The following CES1 variants were observed in gnomAD, a reference collection of about 807,000 sequenced individuals.
CES1 encodes the protein carboxylesterase 1, also known as liver carboxylesterase 1.
CES1 carries 50 observed loss-of-function variants against 53.0 expected under a neutral mutation model. That is an observed-to-expected ratio of 0.94 (90% CI 0.75 to 1.19). The LOEUF (loss-of-function observed/expected upper bound fraction) is 1.19. Among genes scored for constraint, CES1 ranks in the 50% most tolerant of loss-of-function variants. The pLI is 0.00. For missense variants in CES1, 534 were observed against 538.0 expected (o/e 0.99, Z 0.07); for synonymous variants, 202 against 210.1 (o/e 0.96, Z 0.33).
chr16:55,825,110 A>C (rs1391195252), intron 3 of CES1, among the ~76,000 whole-genome samples: 4 of 152,230 alleles, frequency 2.6e-5, no homozygotes, highest in Admixed American at 2.0e-4. Flanking sequence ...GAGTGGATTC[A>C]TGTTCCTCCT....
intron 8 of CES1, among the ~76,000 whole-genome samples, chr16:55,814,489 G>T (rs1288163915): frequency 6.6e-6 from 1 of 152,210 alleles, no homozygotes; most frequent in Non-Finnish European, 1.5e-5. Context: ...TCACCTGTTT[G>T]GGCCTCAGTT....
At chr16:55,832,878 T>C in intron 1 of CES1, 126 bp downstream of exon 1, 3 of 923,544 alleles carry the variant, frequency 3.2e-6, no homozygotes, top group Non-Finnish European at 5.4e-6. Context: ...AGTCCTAATA[T>C]GGAAGTCGTG....
intron 11 of CES1, among the ~76,000 whole-genome samples, chr16:55,809,461 G>A (rs1257639532): frequency 2.6e-5 from 4 of 152,206 alleles, no homozygotes; most frequent in South Asian, 2.1e-4. Context: ...CAGACTAGGC[G>A]AATGAGAGCT....
In CES1 at chr16:55,826,137, G is replaced by A. The variant is rs371166360; in HGVS notation, c.405+14C>T. On this transcript the variant is annotated intron_variant, in intron 3 of 13. Transcript: ENST00000360526. ...GGCACTGACACGCCTTGACCAGGGG[G>A]TCCCACAACTTACCGGCAGCCTGTT... 4.7e-4 allele frequency: 755 copies of A among 1,612,436 alleles called. No homozygotes were observed. Among genetic ancestry groups the A allele is most frequent in the Admixed American group, 8.2e-4 (49 of 60,000 alleles).
chr16:55,810,468 C>G lies in CES1; in HGVS notation c.1318+49G>C, dbSNP rs147420621. 420 of 1,613,020 alleles carry G rather than the reference C, an allele frequency of 2.6e-4. 4 individuals are homozygous for G. In the African/African-American group the frequency reaches 5.3e-3, roughly 20 times the overall value. On this transcript the variant is annotated intron_variant, in intron 11 of 13. Transcript: ENST00000360526. ...TGCTGGGAGGTAGGTGGGTCAGATA[C>G]AGAAGCTCGTGGGGTTTGTGTCCCT...
At chr16:55,825,698 G>A (rs1451216513) in intron 3 of CES1, among the ~76,000 whole-genome samples, 2 of 152,216 alleles carry the variant, frequency 1.3e-5, no homozygotes, top group African/African-American at 4.8e-5. Context: ...GTGAAGATCA[G>A]AAGACTTGAG....
At chr16:55,823,991 G>A (rs551466966) in intron 3 of CES1, among the ~76,000 whole-genome samples, 39 of 152,374 alleles carry the variant, frequency 2.6e-4, no homozygotes, top group African/African-American at 8.9e-4. Context: ...GGCTAAGGAT[G>A]TCCTCTTCGG....
intron 8 of CES1, among the ~76,000 whole-genome samples, chr16:55,816,317 G>T (rs1196402029): frequency 1.3e-4 from 18 of 135,200 alleles, no homozygotes; most frequent in Non-Finnish European, 2.3e-4. Context: ...TGTTTATTAA[G>T]TCTTTGCTGA....
intron 7 of CES1, among the ~76,000 whole-genome samples, 192 bp downstream of exon 7, chr16:55,819,343 A>G (rs1455144255): frequency 6.6e-6 from 1 of 152,218 alleles, no homozygotes; most frequent in African/African-American, 2.4e-5. Flanking sequence ...ATTTTTTATC[A>G]TGTTATTTTT....
chr16:55,816,434 G>A (rs1316252966), intron 8 of CES1, among the ~76,000 whole-genome samples: 1 of 152,232 alleles, frequency 6.6e-6, no homozygotes, highest in Admixed American at 6.5e-5. Flanking sequence ...GATGTCACCA[G>A]AAACTGTCAA....
chr16:55,810,761 C>T, intron 10 of CES1, 97 bp from the exon 11 acceptor site: 2 of 1,497,510 alleles, frequency 1.3e-6, no homozygotes, highest in Non-Finnish European at 1.9e-6. Flanking sequence ...CCCCATAAGC[C>T]CTGTGCAACT....
chr16:55,813,052 A>G lies in CES1; in HGVS notation c.946-9T>C. 1 of 1,613,862 alleles carries G rather than the reference A, an allele frequency of 6.2e-7. No homozygotes were observed. The highest frequency in any genetic ancestry group is 8.5e-7 in the Non-Finnish European group (1 of 1,179,874). On this transcript the variant is annotated splice_polypyrimidine_tract_variant and intron_variant, in intron 8 of 13. Coordinates refer to ENST00000360526, the MANE Select transcript of CES1 (RefSeq NM_001025195.2). ...CCCAGAAGGGGTTGACTCTGGGGAG[A>G]GAGCAGTGCAGCACCTGTGATTCCC...
At chr16:55,824,776 A>G (rs1190361557) in intron 3 of CES1, among the ~76,000 whole-genome samples, 2 of 152,238 alleles carry the variant, frequency 1.3e-5, no homozygotes, top group African/African-American at 4.8e-5. Context: ...ATATGTGATG[A>G]TTCCCATTTT....
At chr16:55,832,052 G>A (rs1294418487) in intron 1 of CES1, among the ~76,000 whole-genome samples, 26 of 152,304 alleles carry the variant, frequency 1.7e-4, no homozygotes, top group Middle Eastern at 3.4e-3. Context: ...CTCTTTGATC[G>A]GGTTGCCATG....
rs201879239 is a variant in CES1 at position 55,816,931 on chromosome 16, G to A, written c.938C>T (p.Pro313Leu). The stretch of plus-strand genomic sequence containing the variant: ...GAAACAAAAGGTCCTTACCTCTCTG[G>A]GGTCTCCCTGTAAGTCCAGAGATAA... ...KFLSLDLQGD[P>L]RESQPLLGTV... The change falls in exon 8 of 14, where the codon CCC (proline) becomes CTC (leucine). Residue 313 changes from proline (P) to leucine (L), a missense_variant. This residue lies in a region of CES1 where 269 missense variants were observed against 206.6 expected (regional missense o/e 1.30). Transcript: ENST00000360526. 1 of 1,613,854 alleles carries A rather than the reference G, an allele frequency of 6.2e-7. No homozygotes were observed. The highest frequency in any genetic ancestry group is 8.5e-7 in the Non-Finnish European group (1 of 1,179,790).
chr16:55,819,877 A>T (rs1251511591), intron 6 of CES1: 1 of 618,940 alleles, frequency 1.6e-6, no homozygotes, highest in African/African-American at 1.8e-5. Context: ...TCTCCATTGA[A>T]ATGGACATAA....
rs2032412763 is a variant in CES1 at position 55,826,253 on chromosome 16, T to C, written c.303A>G (p.Leu101=). The part of the protein sequence containing the change: ...DPKAGQLLSE[L]FTNRKENIPL... ...GAATGTTCTCCTTTCGGTTTGTAAA[T>C]AGCTCTGAGAGTAACTGCCCCGCCT... The change falls in exon 3 of 14, where the codon CTA becomes CTG. Residue 101 remains leucine, a synonymous_variant. Coordinates refer to ENST00000360526, the MANE Select transcript of CES1 (RefSeq NM_001025195.2). 13 of 1,613,832 alleles carry C rather than the reference T, an allele frequency of 8.1e-6. No homozygotes were observed. The East Asian group carries it at 2.7e-4, about 33-fold the overall frequency.
chr16:55,819,732 T>A, intron 6 of CES1, 93 bp from the exon 7 acceptor site: 1 of 1,071,422 alleles, frequency 9.3e-7, no homozygotes, highest in Non-Finnish European at 1.5e-6. Context: ...GCCCAACTTG[T>A]ACTAGTGGCA....
At chr16:55,820,212 C>G (rs1197928746) in intron 6 of CES1, 160 bp downstream of exon 6, 1 of 601,324 alleles carries the variant, frequency 1.7e-6, no homozygotes, top group Non-Finnish European at 3.0e-6. Flanking sequence ...GGACGCTGAT[C>G]AAGGTGTCTC....
Sources: allele counts gnomAD v4.1 joint callset (sites outside exome capture counted in the v4.1 genomes callset), GRCh38; gene constraint gnomAD v4.1.1; regional missense constraint gnomAD v4.1.1; transcripts MANE v1.5; gene names NCBI Gene and HGNC (gene_info 2026-07-23, HGNC 2026-07-21).